Variants in PCDH15 observed in about 807,000 individuals in gnomAD.
PCDH15 encodes protocadherin-15.
Under a neutral mutation model 178.5 loss-of-function variants are expected in PCDH15, and 129 were observed. The observed-to-expected ratio is 0.72, with a 90% CI of 0.63 to 0.84. The LOEUF (loss-of-function observed/expected upper bound fraction) is 0.84, where lower values mean the gene tolerates loss of function less well. PCDH15 is among the 40% of genes least tolerant of loss of function. The probability of loss-of-function intolerance (pLI) is 0.00; values close to 1 mark genes in which losing one functional copy is unlikely to be tolerated. For synonymous variants in PCDH15, 800 were observed against 732.0 expected, an observed-to-expected ratio of 1.09 and a Z score of -1.50; for missense variants, 2,230 against 2,099.9, an observed-to-expected ratio of 1.06 and a Z score of -1.21.
chr10:55,513,901 C>T lies in PCDH15; in HGVS notation c.-156+113724G>A, dbSNP rs1327950666. Among the ~76,000 whole-genome samples the T allele has an allele frequency of 2.0e-5, 3 of 152,006 alleles. No homozygotes were observed. In the South Asian group the frequency reaches 6.2e-4, roughly 32 times the overall value. ...TACACTTTTAAAAAGGTGTACCAAA[C>T]ATCAAAATATTTACATTTCACATCT... is the stretch of plus-strand genomic sequence containing the variant. On this transcript the variant is annotated intron_variant, in intron 2 of 5. Transcript: ENST00000613346.
chr10:54,352,983 C>T (rs1278113952), intron 5 of PCDH15, among the ~76,000 whole-genome samples: 2 of 152,028 alleles, frequency 1.3e-5, no homozygotes, highest in East Asian at 1.9e-4. Context: ...AAATTTTAAA[C>T]CAAAGATTCT....
At chr10:55,341,598 T>A (rs1844558532) in intron 2 of PCDH15, among the ~76,000 whole-genome samples, 1 of 143,438 alleles carries the variant, frequency 7.0e-6, no homozygotes, top group African/African-American at 2.6e-5. Flanking sequence ...TGAGACAGAG[T>A]CTCTCCCTGT....
chr10:54,601,346 C>T (rs1590400201), intron 2 of PCDH15, among the ~76,000 whole-genome samples: 1 of 151,816 alleles, frequency 6.6e-6, no homozygotes, highest in Admixed American at 6.6e-5. Flanking sequence ...AAAAAACAAA[C>T]AGCCCCACTA....
chr10:54,132,893 A>G lies in PCDH15; in HGVS notation c.1899T>C (p.Ala633=), dbSNP rs1418804415. 1.9e-6 allele frequency: 3 copies of G among 1,613,728 alleles called. No individual in the cohort carries two copies. In the Admixed American group the frequency reaches 5.0e-5, roughly 27 times the overall value. ...AACATACCTGTAGATTTAATAAAAC[A>G]GCACCAACCCTCATGGCTTCACTAA... is the stretch of plus-strand genomic sequence containing the variant. ...LEISEAMRVG[A]VLLNLQATDR... The change falls in exon 15 of 38, where the codon GCT becomes GCC. Residue 633 remains alanine, a synonymous_variant. Coordinates refer to ENST00000644397, the MANE Select transcript of PCDH15 (RefSeq NM_001384140.1).
chr10:55,530,683 CT>C (rs1841432915), intron 2 of PCDH15, among the ~76,000 whole-genome samples: 1 of 151,768 alleles, frequency 6.6e-6, no homozygotes, highest in Non-Finnish European at 1.5e-5. Context: ...CATTTATTTT[CT>C]TTGGTTTATT....
At chr10:53,853,328 G>A (rs931655599) in intron 28 of PCDH15, among the ~76,000 whole-genome samples, 15 of 151,774 alleles carry the variant, frequency 9.9e-5, no homozygotes, top group African/African-American at 2.4e-4. Context: ...AGAATAAAAC[G>A]TATGAGAGGT....
At chr10:55,166,300 TAGA>T (rs1352404133) in intron 2 of PCDH15, among the ~76,000 whole-genome samples, 4 of 152,126 alleles carry the variant, frequency 2.6e-5, no homozygotes, top group Admixed American at 6.6e-5. Context: ...CTAAACTGGG[TAGA>T]AGGTTTGCTT....
chr10:54,810,378 G>A (rs888379733), intron 3 of PCDH15, among the ~76,000 whole-genome samples: 30 of 152,164 alleles, frequency 2.0e-4, no homozygotes, highest in Admixed American at 7.2e-4. Context: ...AGTAGGATGC[G>A]TGGAATATCC....
intron 2 of PCDH15, among the ~76,000 whole-genome samples, chr10:55,358,420 C>T (rs989465014): frequency 2.0e-5 from 3 of 152,046 alleles, no homozygotes; most frequent in Admixed American, 2.0e-4. Flanking sequence ...CAATCATTTC[C>T]ATTTATCATT....
chr10:55,621,636 C>G (rs1414344426), intron 2 of PCDH15, among the ~76,000 whole-genome samples: 1 of 152,150 alleles, frequency 6.6e-6, no homozygotes, highest in East Asian at 1.9e-4. Context: ...GAATCTAAAA[C>G]TAATTCCTGA....
intron 25 of PCDH15, among the ~76,000 whole-genome samples, chr10:53,937,051 C>G (rs940680105): frequency 6.6e-6 from 1 of 152,044 alleles, no homozygotes; most frequent in Admixed American, 6.6e-5. Context: ...AATATTTTAG[C>G]TTTTAGACTT....
chr10:54,855,670 A>C (rs757120369), intron 3 of PCDH15, among the ~76,000 whole-genome samples: 2 of 152,200 alleles, frequency 1.3e-5, no homozygotes, highest in African/African-American at 2.4e-5. Context: ...TTGAAGTAAG[A>C]GTTTAAAAAA....
intron 2 of PCDH15, among the ~76,000 whole-genome samples, chr10:55,509,158 C>T (rs1001749250): frequency 6.6e-6 from 1 of 151,572 alleles, no homozygotes; most frequent in African/African-American, 2.4e-5. Flanking sequence ...CACATCCAAA[C>T]GTCTGGGCTG....
Position 54,214,060 on chromosome 10 carries a change from TG to T in PCDH15, c.986-13del. On this transcript the variant is annotated splice_polypyrimidine_tract_variant and intron_variant, in intron 9 of 37. Coordinates refer to ENST00000644397, the MANE Select transcript of PCDH15 (RefSeq NM_001384140.1). Reference sequence around the variant, plus strand: ...ATCCTCAGGAGTCCCTGGAAGACATTGAGATTTCAGTACATAATTGAGAACA... The same window carrying T: ...ATCCTCAGGAGTCCCTGGAAGACATTAGATTTCAGTACATAATTGAGAACA... 6.9e-7 allele frequency: 1 copy of T among 1,440,572 alleles called. No individual in the cohort carries two copies. The highest frequency in any genetic ancestry group is 9.8e-7 in the Non-Finnish European group (1 of 1,022,552). 89.2% of individuals were successfully genotyped at this position (1,440,572 alleles called of 1,614,324 possible).
chr10:53,846,349 TA>T (rs2077978292), intron 28 of PCDH15, among the ~76,000 whole-genome samples: 1 of 151,924 alleles, frequency 6.6e-6, no homozygotes, highest in African/African-American at 2.4e-5. Context: ...TCTATTTAAT[TA>T]TGTCACCTTT....
Position 54,153,259 on chromosome 10 carries a change from C to G in PCDH15, c.1625G>C (p.Gly542Ala), listed in dbSNP as rs781672557. 1 of 1,613,658 alleles carries G rather than the reference C, an allele frequency of 6.2e-7. No homozygotes were observed. Among genetic ancestry groups the G allele is most frequent in the Admixed American group, 1.7e-5 (1 of 59,950 alleles). ...AACAAGGATTTCATATGTGATCTCCCCATTTGACCCTTCGTCTGCGTCGAC... is the reference window on the plus strand; with the variant it reads ...AACAAGGATTTCATATGTGATCTCCGCATTTGACCCTTCGTCTGCGTCGAC... Reference protein sequence around the residue: ...TAVDADEGSNGEITYEILVGA... With the variant: ...TAVDADEGSNAEITYEILVGA... The change falls in exon 14 of 38, where the codon GGG (glycine) becomes GCG (alanine). Residue 542 changes from glycine to alanine, a missense_variant. By Grantham distance (60) the Gly-to-Ala change is moderately conservative. Coordinates refer to ENST00000644397, the MANE Select transcript of PCDH15 (RefSeq NM_001384140.1).
intron 9 of PCDH15, among the ~76,000 whole-genome samples, chr10:54,229,845 A>G (rs1361293768): frequency 1.3e-5 from 2 of 152,194 alleles, no homozygotes; most frequent in African/African-American, 2.4e-5. Flanking sequence ...AATCTTGCCT[A>G]AAGTTATTTA....
chr10:54,747,954 C>G (rs1277177540), intron 1 of PCDH15, among the ~76,000 whole-genome samples: 2 of 151,956 alleles, frequency 1.3e-5, no homozygotes, highest in Non-Finnish European at 2.9e-5. Flanking sequence ...TACAGGCGCC[C>G]GCCACCACGC....
chr10:55,345,251 A>C (rs61322032), intron 2 of PCDH15, among the ~76,000 whole-genome samples: 9,448 of 134,338 alleles, frequency 0.07, 688 homozygotes, highest in African/African-American at 0.21. Context: ...GGAAAATTCT[A>C]TTTGCTAGCC....
Sources: gnomAD v4.1 joint callset for allele counts (sites outside exome capture counted in the v4.1 genomes callset) on GRCh38, gnomAD v4.1.1 for gene constraint, MANE v1.5 for transcripts, NCBI Gene and HGNC (gene_info 2026-07-23, HGNC 2026-07-21) for gene names.